The following ZNF789 variants were observed in gnomAD, a reference collection of about 807,000 sequenced individuals.
The protein encoded by ZNF789 is zinc finger protein 789.
ZNF789 carries 11 observed loss-of-function variants against 15.6 expected under a neutral mutation model. The ratio of observed to expected loss-of-function variants is 0.70; its 90% CI spans 0.44 to 1.16. The LOEUF is 1.16. Ranked by LOEUF, ZNF789 falls within the 50% of genes most tolerant of loss-of-function variation. The pLI is 0.00. For missense variants in ZNF789, 461 were observed against 512.6 expected (o/e 0.90, Z 0.97); for synonymous variants, 159 against 176.0 (o/e 0.90, Z 0.76).
rs763226987 is a variant in ZNF789 at position 99,487,192 on chromosome 7, C to A, written c.982C>A (p.Leu328Ile). ...CGKAFGRHST[L>I]LCHQQIHSKP... is the part of the protein sequence containing the mutation. ...AAAAGCCTTTGGCCGGCATTCAACC[C>A]TTCTATGTCATCAACAGATTCACAG... is the stretch of plus-strand genomic sequence containing the variant. Residue 328 changes from leucine (L) to isoleucine (I), a missense_variant, in exon 5 of 5, where the codon CTT becomes ATT. Physicochemically the swap from Leu to Ile is conservative, Grantham distance 5. Transcript: ENST00000331410. 1.4e-5 allele frequency: 22 copies of A among 1,614,152 alleles called. No individual in the cohort carries two copies. The highest frequency in any genetic ancestry group is 1.9e-5 in the Non-Finnish European group (22 of 1,180,044).
Position 99,476,384 on chromosome 7 carries a change from G to C in ZNF789, c.-54-19G>C. The C allele has an allele frequency of 6.3e-7, 1 of 1,577,506 alleles. No homozygotes were observed. The highest frequency in any genetic ancestry group is 1.4e-5 in the African/African-American group (1 of 73,316). On this transcript the variant is annotated intron_variant, in intron 1 of 4. Coordinates refer to ENST00000331410, the MANE Select transcript of ZNF789 (RefSeq NM_213603.3). The stretch of plus-strand genomic sequence containing the variant: ...GCTTCAAATTAGGGCTGGCCTTACT[G>C]ACTTTTTTTCTTCTCCAGCTCAGCC...
chr7:99,479,892 GA>G, intron 3 of ZNF789, 105 bp downstream of exon 3: 1 of 1,445,850 alleles, frequency 6.9e-7, no homozygotes, highest in Non-Finnish European at 9.2e-7. Context: ...GGTGAAAACC[GA>G]AAGGTTTTTT....
chr7:99,486,958 T>C lies in ZNF789; in HGVS notation c.748T>C (p.Cys250Arg), dbSNP rs1562889027. Reference protein sequence around the residue: ...QRSALTVHKQCHLQNKPYRCH... With the variant: ...QRSALTVHKQRHLQNKPYRCH... ...GTCAGCTCTTACGGTCCATAAACAGTGTCACCTGCAAAACAAGCCATACAG... is the reference window on the plus strand; with the variant it reads ...GTCAGCTCTTACGGTCCATAAACAGCGTCACCTGCAAAACAAGCCATACAG... The change falls in exon 5 of 5, where the codon TGT becomes CGT. Residue 250 changes from cysteine (C) to arginine (R), a missense_variant. Physicochemically the swap from Cys to Arg is radical, Grantham distance 180. Transcript: ENST00000331410. The C allele has an allele frequency of 1.9e-6, 3 of 1,614,192 alleles. No homozygotes were observed. Among genetic ancestry groups the C allele is most frequent in the Admixed American group, 3.3e-5 (2 of 60,012 alleles).
In ZNF789 at chr7:99,486,961, C is replaced by T. The variant is rs771128834; in HGVS notation, c.751C>T (p.His251Tyr). Reference sequence around the variant, plus strand: ...AGCTCTTACGGTCCATAAACAGTGTCACCTGCAAAACAAGCCATACAGATG... The same window carrying T: ...AGCTCTTACGGTCCATAAACAGTGTTACCTGCAAAACAAGCCATACAGATG... ...RSALTVHKQC[H>Y]LQNKPYRCHD... Residue 251 changes from histidine to tyrosine, a missense_variant, in exon 5 of 5, where the codon CAC becomes TAC. His to Tyr is a moderately conservative substitution (Grantham distance 83, BLOSUM62 2). Coordinates refer to ENST00000331410, the MANE Select transcript of ZNF789 (RefSeq NM_213603.3). 5.0e-6 allele frequency: 8 copies of T among 1,614,024 alleles called. No homozygotes were observed. In the Admixed American group the frequency reaches 1.0e-4, roughly 20 times the overall value.
chr7:99,485,230 A>G (rs1028498413), intron 4 of ZNF789: 20 of 1,535,614 alleles, frequency 1.3e-5, no homozygotes, highest in East Asian at 7.3e-5. Flanking sequence ...TTCACATCCA[A>G]GGTTTCTCCT....
intron 3 of ZNF789, chr7:99,480,033 A>G (rs1799538086): frequency 2.1e-6 from 1 of 475,602 alleles, no homozygotes; most frequent in East Asian, 3.4e-5. Flanking sequence ...AACTTCAGAA[A>G]TAACAGTGTA....
Position 99,487,182 on chromosome 7 carries a change from G to C in ZNF789, c.972G>C (p.Arg324=). Reference sequence around the variant, plus strand: ...TTGAGTGTGGAAAAGCCTTTGGCCGGCATTCAACCCTTCTATGTCATCAAC... The same window carrying C: ...TTGAGTGTGGAAAAGCCTTTGGCCGCCATTCAACCCTTCTATGTCATCAAC... ...KCLECGKAFG[R]HSTLLCHQQI... The change falls in exon 5 of 5, where the codon CGG becomes CGC. Residue 324 remains arginine (R), a synonymous_variant. Coordinates refer to ENST00000331410, the MANE Select transcript of ZNF789 (RefSeq NM_213603.3). 1 of 1,614,050 alleles carries C rather than the reference G, an allele frequency of 6.2e-7. No homozygotes were observed. The highest frequency in any genetic ancestry group is 1.1e-5 in the South Asian group (1 of 91,078).
Position 99,487,490 on chromosome 7 carries a change from G to A in ZNF789, c.*2G>A, listed in dbSNP as rs963596430. 1.9e-6 allele frequency: 3 copies of A among 1,604,006 alleles called. No homozygotes were observed. The highest frequency in any genetic ancestry group is 2.7e-5 in the African/African-American group (2 of 74,462). On this transcript the variant is annotated 3_prime_UTR_variant, in exon 5 of 5. Transcript: ENST00000331410. Reference sequence around the variant, plus strand: ...CACAAAGGACAGATATCCACATGATGTTAATTGGAAAGCAGTCATTGGAGA... The same window carrying A: ...CACAAAGGACAGATATCCACATGATATTAATTGGAAAGCAGTCATTGGAGA...
At chr7:99,486,346 G>A (rs1309815638) in intron 4 of ZNF789, 130 bp from the exon 5 acceptor site, 2 of 954,910 alleles carry the variant, frequency 2.1e-6, no homozygotes, top group Non-Finnish European at 3.0e-6. Flanking sequence ...GGCCTCTTGA[G>A]TCTGATGATG....
chr7:99,478,006 T>C (rs1799425257), intron 2 of ZNF789, among the ~76,000 whole-genome samples: 1 of 152,128 alleles, frequency 6.6e-6, no homozygotes, highest in Non-Finnish European at 1.5e-5. Flanking sequence ...TTAAGCAACA[T>C]TTGGTGCCCA....
At chr7:99,484,480 C>T (rs561222012) in intron 4 of ZNF789, among the ~76,000 whole-genome samples, 42 of 152,258 alleles carry the variant, frequency 2.8e-4, no homozygotes, top group African/African-American at 9.1e-4. Context: ...ATTAGCCCCG[C>T]GTAGTGGCGT....
intron 2 of ZNF789, chr7:99,478,565 C>G (rs1380386146): frequency 2.6e-6 from 1 of 387,522 alleles, no homozygotes; most frequent in Non-Finnish European, 5.2e-6. Flanking sequence ...CACATCCCCT[C>G]TGAACCCATG....
intron 2 of ZNF789, 33 bp downstream of exon 2, chr7:99,476,513 A>G: frequency 6.2e-7 from 1 of 1,609,096 alleles, no homozygotes; most frequent in Non-Finnish European, 8.5e-7. Context: ...CTTCATCAGC[A>G]TAGTCACTGC....
At position 99,487,375 on chromosome 7, in the gene ZNF789, G is replaced by A. The variant is rs748573694; in HGVS notation, c.1165G>A (p.Val389Ile). ...SFKRNLFRHQ[V>I]IHTGSQPYQC... ...TAAGAGGAATCTTTTTCGACATCAG[G>A]TCATTCACACTGGAAGCCAACCCTA... The change falls in exon 5 of 5, where the codon GTC (valine) becomes ATC (isoleucine). Residue 389 changes from valine to isoleucine, a missense_variant. Physicochemically the swap from Val to Ile is conservative, Grantham distance 29. Coordinates refer to ENST00000331410, the MANE Select transcript of ZNF789 (RefSeq NM_213603.3). 4.3e-6 allele frequency: 7 copies of A among 1,614,208 alleles called. No individual in the cohort carries two copies. The South Asian group carries it at 6.6e-5, about 15-fold the overall frequency.
chr7:99,486,277 T>C (rs559000756), intron 4 of ZNF789, among the ~76,000 whole-genome samples, 199 bp from the exon 5 acceptor site: 1 of 152,134 alleles, frequency 6.6e-6, no homozygotes, highest in Admixed American at 6.6e-5. Context: ...ATCATGCCAC[T>C]GCACTCTAGC....
chr7:99,483,576 C>T (rs920420921), intron 3 of ZNF789: 3 of 635,054 alleles, frequency 4.7e-6, no homozygotes, highest in Non-Finnish European at 8.6e-6. Context: ...GGTTGCAGTG[C>T]GCCAAGACTG....
Position 99,486,607 on chromosome 7 carries a change from A to G in ZNF789, c.397A>G (p.Lys133Glu). 3 of 1,614,218 alleles carry G rather than the reference A, an allele frequency of 1.9e-6. No individual in the cohort carries two copies. Among genetic ancestry groups the G allele is most frequent in the Non-Finnish European group, 2.5e-6 (3 of 1,180,032 alleles). Residue 133 changes from lysine (K) to glutamate (E), a missense_variant, in exon 5 of 5, where the codon AAA becomes GAA. By Grantham distance (56) the Lys-to-Glu change is moderately conservative. Transcript: ENST00000331410. ...EKLSEKLHKCKEFVDSCRLTF... is the reference protein window; with the variant it reads ...EKLSEKLHKCEEFVDSCRLTF... ...ACTTTCAGAAAAGTTACATAAGTGTAAAGAATTTGTGGACAGTTGCAGGCT... is the reference window on the plus strand; with the variant it reads ...ACTTTCAGAAAAGTTACATAAGTGTGAAGAATTTGTGGACAGTTGCAGGCT...
chr7:99,478,396 T>A, intron 2 of ZNF789: 3 of 1,281,992 alleles, frequency 2.3e-6, no homozygotes, highest in Non-Finnish European at 3.1e-6. Context: ...GAACTCAGGT[T>A]TGATAGGCAG....
chr7:99,483,685 C>T, intron 3 of ZNF789: 3 of 780,796 alleles, frequency 3.8e-6, no homozygotes, highest in Non-Finnish European at 7.2e-6. Flanking sequence ...ATACTTATGC[C>T]TTCATCGCAT....
Sources: allele counts gnomAD v4.1 joint callset (sites outside exome capture counted in the v4.1 genomes callset), GRCh38; gene constraint gnomAD v4.1.1; transcripts MANE v1.5; gene names NCBI Gene and HGNC (gene_info 2026-07-23, HGNC 2026-07-21).